The following OTUB2 variants were observed in gnomAD, a reference collection of about 807,000 sequenced individuals.
The protein encoded by OTUB2 is ubiquitin thioesterase OTUB2.
A neutral mutation model predicts 25.1 loss-of-function variants in OTUB2; 21 were observed. The ratio of observed to expected loss-of-function variants is 0.84; its 90% CI spans 0.59 to 1.21. The LOEUF is 1.21. OTUB2 is among the 50% of genes most tolerant of loss of function. The pLI, the probability that OTUB2 is intolerant of heterozygous loss-of-function variation, is 0.00. For missense variants in OTUB2, 283 were observed against 298.0 expected (o/e 0.95, Z 0.37); for synonymous variants, 122 against 122.8 (o/e 0.99, Z 0.04).
Position 94,045,817 on chromosome 14 carries a change from T to TACCGCC in OTUB2, c.601_606dup (p.Thr201_Ala202dup). The TACCGCC allele has an allele frequency of 6.2e-7, 1 of 1,614,218 alleles. No individual in the cohort carries two copies. Among genetic ancestry groups the TACCGCC allele is most frequent in the Non-Finnish European group, 8.5e-7 (1 of 1,180,042 alleles). On this transcript the variant is annotated inframe_insertion, in exon 6 of 6. Transcript: ENST00000203664. The stretch of plus-strand genomic sequence containing the variant: ...AAGTGGAGTACGTGGACGAGATGGA[T>TACCGCC]ACCGCCCTGAACCACCACGTGTTCC...
At chr14:94,033,070 C>A (rs1351972829) in intron 1 of OTUB2, among the ~76,000 whole-genome samples, 1 of 152,176 alleles carries the variant, frequency 6.6e-6, no homozygotes, top group Non-Finnish European at 1.5e-5. Flanking sequence ...CACCACCACA[C>A]CCGGCTCATT....
intron 1 of OTUB2, among the ~76,000 whole-genome samples, chr14:94,037,015 T>C (rs949251242): frequency 2.6e-5 from 4 of 152,190 alleles, no homozygotes; most frequent in African/African-American, 9.7e-5. Flanking sequence ...AATGAACGAA[T>C]GAATGAATGC....
intron 5 of OTUB2, 42 bp from the exon 6 acceptor site, chr14:94,045,674 C>A: frequency 6.3e-7 from 1 of 1,591,648 alleles, no homozygotes; most frequent in South Asian, 1.1e-5. Context: ...CTCTGCCAGG[C>A]CTCCCTCCTA....
chr14:94,044,829 C>T (rs1257539063), intron 5 of OTUB2, 49 bp downstream of exon 5: 1 of 1,552,650 alleles, frequency 6.4e-7, no homozygotes, highest in Admixed American at 1.8e-5. Flanking sequence ...CTCCTGTGGC[C>T]CTGTCCTGCA....
intron 1 of OTUB2, among the ~76,000 whole-genome samples, chr14:94,030,482 C>A (rs8010295): frequency 6.6e-6 from 1 of 151,682 alleles, no homozygotes; most frequent in Non-Finnish European, 1.5e-5. Flanking sequence ...ATCTGAGGGC[C>A]TGTTGGGAGG....
At chr14:94,043,711 A>G (rs1433892487) in intron 3 of OTUB2, among the ~76,000 whole-genome samples, 1 of 152,170 alleles carries the variant, frequency 6.6e-6, no homozygotes, top group African/African-American at 2.4e-5. Flanking sequence ...AAAAGATGCA[A>G]AATCACACAC....
intron 1 of OTUB2, among the ~76,000 whole-genome samples, chr14:94,026,963 C>T (rs1393232606): frequency 1.3e-5 from 2 of 152,236 alleles, no homozygotes; most frequent in Non-Finnish European, 2.9e-5. Context: ...CAAAGACCTC[C>T]TGGCCCCTGC....
intron 1 of OTUB2, 61 bp downstream of exon 1, chr14:94,026,601 C>A: frequency 8.4e-7 from 1 of 1,196,244 alleles, no homozygotes. Flanking sequence ...GGCGGGGTCG[C>A]TGCCGGAGCG....
chr14:94,031,985 C>T (rs1299965147), intron 1 of OTUB2, among the ~76,000 whole-genome samples: 3 of 152,308 alleles, frequency 2.0e-5, no homozygotes, highest in South Asian at 4.1e-4. Flanking sequence ...CCAGGTCAAG[C>T]ATCATGCCTG....
chr14:94,031,685 C>T (rs1012014), intron 1 of OTUB2, among the ~76,000 whole-genome samples: 3,475 of 152,276 alleles, frequency 0.023, 121 homozygotes, highest in African/African-American at 0.079. Context: ...CGTCCTTGCG[C>T]TTTCTGCTAG....
chr14:94,039,417 G>T (rs968119013), intron 3 of OTUB2: 2 of 306,058 alleles, frequency 6.5e-6, no homozygotes, highest in Non-Finnish European at 1.2e-5. Flanking sequence ...AAGAAGCTTT[G>T]CCCCGGTGTT....
intron 1 of OTUB2, among the ~76,000 whole-genome samples, chr14:94,029,185 C>T (rs1027020787): frequency 1.3e-5 from 2 of 152,198 alleles, no homozygotes; most frequent in African/African-American, 4.8e-5. Context: ...TGGACGACCT[C>T]TCTGACGATG....
intron 1 of OTUB2, among the ~76,000 whole-genome samples, chr14:94,032,142 G>A (rs1037747585): frequency 2.0e-5 from 3 of 152,172 alleles, no homozygotes; most frequent in Non-Finnish European, 4.4e-5. Context: ...GGAGGTGCCA[G>A]GTGGGGACTT....
chr14:94,045,403 C>A (rs934025444), intron 5 of OTUB2, among the ~76,000 whole-genome samples: 2 of 152,206 alleles, frequency 1.3e-5, no homozygotes, highest in Non-Finnish European at 2.9e-5. Context: ...GATGCCCAAC[C>A]TGAAAAATGT....
At chr14:94,037,866 A>G (rs1402971859) in intron 2 of OTUB2, among the ~76,000 whole-genome samples, 2 of 152,232 alleles carry the variant, frequency 1.3e-5, no homozygotes, top group Non-Finnish European at 2.9e-5. Context: ...CTCAAGCCAC[A>G]TTCATAACTG....
intron 1 of OTUB2, among the ~76,000 whole-genome samples, chr14:94,032,690 G>C (rs1453431154): frequency 6.6e-6 from 1 of 152,126 alleles, no homozygotes; most frequent in African/African-American, 2.4e-5. Flanking sequence ...TAAATTTCAG[G>C]TTATGTATGT....
Position 94,045,708 on chromosome 14 carries a change from C to T in OTUB2, c.499-8C>T, listed in dbSNP as rs779592730. ...TAAGCTGGCTTGTTTTCATTTTGGC[C>T]CCTGCAGGAAGTAGAGCCCATGGCC... On this transcript the variant is annotated splice_region_variant and splice_polypyrimidine_tract_variant and intron_variant, in intron 5 of 5. Coordinates refer to ENST00000203664, the MANE Select transcript of OTUB2 (RefSeq NM_023112.4). The T allele has an allele frequency of 6.2e-7, 1 of 1,613,518 alleles. No homozygotes were observed.
chr14:94,037,739 A>C (rs1420810150), intron 2 of OTUB2, among the ~76,000 whole-genome samples: 1 of 152,050 alleles, frequency 6.6e-6, no homozygotes, highest in Non-Finnish European at 1.5e-5. Flanking sequence ...CAACTCTGTG[A>C]GGTAAGTACT....
chr14:94,028,789 A>G (rs1469534825), intron 1 of OTUB2, among the ~76,000 whole-genome samples: 1 of 152,236 alleles, frequency 6.6e-6, no homozygotes, highest in Non-Finnish European at 1.5e-5. Context: ...GCCTAAGGAC[A>G]TTGGGAACAC....
Sources: gnomAD v4.1 joint callset for allele counts (sites outside exome capture counted in the v4.1 genomes callset) on GRCh38, gnomAD v4.1.1 for gene constraint, MANE v1.5 for transcripts, NCBI Gene and HGNC (gene_info 2026-07-23, HGNC 2026-07-21) for gene names.